CERS3: variants seen among roughly 807,000 people sequenced by gnomAD.
The protein encoded by CERS3 is ceramide synthase 3.
CERS3 carries 33 observed loss-of-function variants against 50.3 expected under a neutral mutation model. That is an observed-to-expected ratio of 0.66 (90% confidence interval 0.50 to 0.88). The LOEUF (loss-of-function observed/expected upper bound fraction) is 0.88, where lower values mean the gene tolerates loss of function less well. CERS3 is among the 40% of genes least tolerant of loss of function. CERS3 has a pLI of 0.00. For synonymous variants in CERS3, 176 were observed against 155.2 expected, an observed-to-expected ratio of 1.13 and a Z score of -0.99; for missense variants, 470 against 460.3, an observed-to-expected ratio of 1.02 and a Z score of -0.19.
chr15:100,459,780 G>A (rs1338885876), intron 10 of CERS3, among the ~76,000 whole-genome samples: 1 of 152,006 alleles, frequency 6.6e-6, no homozygotes, highest in South Asian at 2.1e-4. Flanking sequence ...GACCAATATT[G>A]TATTTTATCA....
At chr15:100,494,543 T>A (rs1352238720) in intron 3 of CERS3, among the ~76,000 whole-genome samples, 2 of 152,056 alleles carry the variant, frequency 1.3e-5, no homozygotes, top group African/African-American at 4.8e-5. Context: ...CTTAGTCACC[T>A]TTTTTGAATT....
chr15:100,457,073 T>C (rs1356511496), intron 10 of CERS3, among the ~76,000 whole-genome samples: 1 of 152,066 alleles, frequency 6.6e-6, no homozygotes, highest in African/African-American at 2.4e-5. Flanking sequence ...TAGAAATAAT[T>C]TTTTTCATGT....
chr15:100,474,512 C>T (rs1472782315), intron 8 of CERS3, among the ~76,000 whole-genome samples: 1 of 151,880 alleles, frequency 6.6e-6, no homozygotes, highest in Non-Finnish European at 1.5e-5. Flanking sequence ...TCAAGCGATT[C>T]TCCTGCCTCA....
intron 8 of CERS3, 40 bp from the exon 9 acceptor site, chr15:100,473,092 A>G (rs765983911): frequency 3.2e-6 from 5 of 1,581,150 alleles, no homozygotes; most frequent in South Asian, 1.1e-5. Flanking sequence ...AAGGAAATGC[A>G]TTTATTTCCC....
chr15:100,441,993 A>C (rs796939055), intron 11 of CERS3, among the ~76,000 whole-genome samples: 7 of 151,956 alleles, frequency 4.6e-5, no homozygotes, highest in Admixed American at 6.6e-5. Context: ...CTCCTCCACC[A>C]TATAATACTT....
intron 3 of CERS3, among the ~76,000 whole-genome samples, chr15:100,498,965 T>G (rs1596767032): frequency 6.6e-6 from 1 of 152,366 alleles, no homozygotes; most frequent in Middle Eastern, 3.4e-3. Context: ...GTGCATATTT[T>G]AAGACTATTT....
At chr15:100,526,478 C>CTCTGTGTGTGTGTGTGTG (rs1555536155) in intron 1 of CERS3, among the ~76,000 whole-genome samples, 1 of 131,458 alleles carries the variant, frequency 7.6e-6, no homozygotes, top group Non-Finnish European at 1.6e-5. Context: ...CCTACATAAA[C>CTCTGTGTGTGTGTGTGTG]TGTGTGTGTG....
chr15:100,496,709 C>T (rs1300615908), intron 3 of CERS3, among the ~76,000 whole-genome samples: 2 of 152,108 alleles, frequency 1.3e-5, no homozygotes, highest in Non-Finnish European at 2.9e-5. Context: ...ATGAGATTTC[C>T]TTATTCTTCC....
intron 11 of CERS3, among the ~76,000 whole-genome samples, chr15:100,448,066 G>A (rs187707546): frequency 7.2e-5 from 11 of 152,298 alleles, no homozygotes; most frequent in African/African-American, 2.2e-4. Flanking sequence ...GGGGGAGAGC[G>A]TTATGTGCAA....
At chr15:100,418,792 A>C (rs1324471820) in intron 11 of CERS3, among the ~76,000 whole-genome samples, 2 of 145,418 alleles carry the variant, frequency 1.4e-5, no homozygotes, top group Non-Finnish European at 3.0e-5. Context: ...TTCTTAAAGA[A>C]AAGAATTTTC....
chr15:100,438,883 G>T (rs1057171656), intron 11 of CERS3, among the ~76,000 whole-genome samples: 3 of 152,198 alleles, frequency 2.0e-5, no homozygotes, highest in Admixed American at 6.5e-5. Flanking sequence ...AGAAAGAAGA[G>T]AATAAAAGCT....
At chr15:100,441,032 G>A (rs1047654701) in intron 11 of CERS3, among the ~76,000 whole-genome samples, 4 of 152,140 alleles carry the variant, frequency 2.6e-5, no homozygotes, top group African/African-American at 9.7e-5. Flanking sequence ...GACCACGCAG[G>A]GATGCCTGCC....
intron 11 of CERS3, among the ~76,000 whole-genome samples, chr15:100,425,644 G>A (rs1382541642): frequency 6.6e-6 from 1 of 152,174 alleles, no homozygotes; most frequent in African/African-American, 2.4e-5. Context: ...GAAGAGACTA[G>A]CTTGTTTCTG....
At chr15:100,440,330 C>T (rs1202218872) in intron 11 of CERS3, among the ~76,000 whole-genome samples, 2 of 152,210 alleles carry the variant, frequency 1.3e-5, no homozygotes, top group Non-Finnish European at 2.9e-5. Flanking sequence ...ATGGCCTGTT[C>T]CTGCCTTAAC....
intron 11 of CERS3, among the ~76,000 whole-genome samples, chr15:100,441,280 C>G (rs928530127): frequency 6.6e-6 from 1 of 151,190 alleles, no homozygotes; most frequent in Non-Finnish European, 1.5e-5. Context: ...CCCCTTATCT[C>G]TGCGCCCTGA....
chr15:100,434,388 G>A (rs1391651598), intron 11 of CERS3, among the ~76,000 whole-genome samples: 1 of 152,216 alleles, frequency 6.6e-6, no homozygotes, highest in Admixed American at 6.5e-5. Context: ...CGGCATGCGT[G>A]CTGTTCCCAA....
At chr15:100,461,874 G>A (rs994727683) in intron 10 of CERS3, among the ~76,000 whole-genome samples, 2 of 152,148 alleles carry the variant, frequency 1.3e-5, no homozygotes, top group African/African-American at 4.8e-5. Context: ...AGCCATTGTG[G>A]CACGGGTAAC....
chr15:100,521,705 T>C lies in CERS3; in HGVS notation c.-40A>G, dbSNP rs1199494467. 1.3e-5 allele frequency: 2 copies of C among 150,962 alleles called. No individual in the cohort carries two copies. The highest frequency in any genetic ancestry group is 2.9e-5 in the Non-Finnish European group (2 of 67,984). The allele number at this position is 150,962 out of a possible 1,614,324, so 9.4% of individuals were successfully genotyped here. A position where few individuals can be genotyped will look rare whatever the true frequency, so the allele number is the denominator to read the frequency against. On this transcript the variant is annotated 5_prime_UTR_variant, in exon 2 of 12. Coordinates refer to ENST00000679737, the MANE Select transcript of CERS3 (RefSeq NM_001378789.1). ...ATAGCTTTCTACTGAGGAACTCAAA[T>C]ACTGTATATATGTATATATATATAA...
chr15:100,473,289 C>T (rs954616160), intron 8 of CERS3, among the ~76,000 whole-genome samples: 1 of 152,192 alleles, frequency 6.6e-6, no homozygotes, highest in Non-Finnish European at 1.5e-5. Context: ...TGTGTACACA[C>T]ACACTGCCCC....
Sources: allele counts gnomAD v4.1 joint callset (sites outside exome capture counted in the v4.1 genomes callset), GRCh38; gene constraint gnomAD v4.1.1; transcripts MANE v1.5; gene names NCBI Gene and HGNC (gene_info 2026-07-23, HGNC 2026-07-21).